Variants in KATNB1 observed in about 807,000 individuals in gnomAD.
KATNB1 encodes katanin p80 WD40 repeat-containing subunit B1.
A neutral mutation model predicts 82.3 loss-of-function variants in KATNB1; 38 were observed. That is an observed-to-expected ratio of 0.46 (90% CI 0.36 to 0.61). The LOEUF (loss-of-function observed/expected upper bound fraction) is 0.61, where lower values mean the gene tolerates loss of function less well. KATNB1 is among the 20% of genes least tolerant of loss of function. KATNB1 has a pLI of 0.00. For synonymous variants in KATNB1, 361 were observed against 368.7 expected, an observed-to-expected ratio of 0.98 and a Z score of 0.24; for missense variants, 749 against 915.7, an observed-to-expected ratio of 0.82 and a Z score of 2.35.
chr16:57,746,985 G>A (rs574603009), intron 4 of KATNB1, among the ~76,000 whole-genome samples: 9 of 152,164 alleles, frequency 5.9e-5, no homozygotes, highest in Non-Finnish European at 1.0e-4. Flanking sequence ...AGGTTTAAGC[G>A]ATTCTCCTGC....
chr16:57,753,301 G>C lies in KATNB1; in HGVS notation c.1046+34G>C, dbSNP rs1567902293. On this transcript the variant is annotated intron_variant, in intron 11 of 19. Transcript: ENST00000379661. ...CTGGGGGGCCTTCGGGGGCCCAGGA[G>C]AGGGACTGTCACAGGGGAAGCCTCG... 5.7e-6 allele frequency: 9 copies of C among 1,581,620 alleles called. No individual in the cohort carries two copies. The East Asian group carries it at 2.1e-4, about 36-fold the overall frequency.
chr16:57,742,228 T>A (rs1555579921), intron 3 of KATNB1, among the ~76,000 whole-genome samples: 1 of 152,252 alleles, frequency 6.6e-6, no homozygotes, highest in Non-Finnish European at 1.5e-5. Context: ...TTTTAATTCA[T>A]TCCCAGCCTT....
intron 18 of KATNB1, 46 bp from the exon 19 acceptor site, chr16:57,756,310 C>A: frequency 6.6e-7 from 1 of 1,520,524 alleles, no homozygotes. Flanking sequence ...CTCTTTCTGT[C>A]TGTGGCCCTT....
At chr16:57,742,919 C>T (rs1461441280) in intron 3 of KATNB1, among the ~76,000 whole-genome samples, 1 of 152,248 alleles carries the variant, frequency 6.6e-6, no homozygotes, top group African/African-American at 2.4e-5. Context: ...GCATCGGAAC[C>T]TGCCCTTTCC....
rs1555583159 is a variant in KATNB1 at position 57,751,661 on chromosome 16, G to A, written c.453G>A (p.Arg151=). 2 of 1,611,514 alleles carry A rather than the reference G, an allele frequency of 1.2e-6. No individual in the cohort carries two copies. The highest frequency in any genetic ancestry group is 2.2e-5 in the South Asian group (2 of 91,076). ...CTCAGGGGCACAGCCAGGCCGTGCG[G>A]TGTCTCCGGTTCAGCCCCGATGGGA... ...FRYRGHSQAV[R]CLRFSPDGKW... Residue 151 remains arginine, a synonymous_variant, in exon 7 of 20, where the codon CGG becomes CGA. Coordinates refer to ENST00000379661, the MANE Select transcript of KATNB1 (RefSeq NM_005886.3). The surrounding 1 kb of genome is among the most constrained non-coding windows in gnomAD (Gnocchi z 6.3).
intron 3 of KATNB1, among the ~76,000 whole-genome samples, chr16:57,744,032 C>T (rs151052188): frequency 1.9e-3 from 282 of 152,300 alleles, no homozygotes; most frequent in Middle Eastern, 3.4e-3. Context: ...GGGAACAGAG[C>T]GGGGGCAGGG....
intron 13 of KATNB1, 24 bp from the exon 14 acceptor site, chr16:57,754,906 G>A: frequency 1.2e-6 from 2 of 1,613,728 alleles, no homozygotes; most frequent in Non-Finnish European, 8.5e-7. Context: ...GCCGGACCCA[G>A]TCATCTTTTC....
chr16:57,757,080 G>C lies in KATNB1; in HGVS notation c.*134G>C. On this transcript the variant is annotated 3_prime_UTR_variant, in exon 20 of 20. Coordinates refer to ENST00000379661, the MANE Select transcript of KATNB1 (RefSeq NM_005886.3). ...CTGTCCTGTGGCCGTCCTGGAGGAG[G>C]TGATGCTGGTCCCTGGCCACCTCTA... is the stretch of plus-strand genomic sequence containing the variant. 3.9e-6 allele frequency: 4 copies of C among 1,020,944 alleles called. No homozygotes were observed. The highest frequency in any genetic ancestry group is 5.3e-6 in the Non-Finnish European group (4 of 758,602). The allele number at this position is 1,020,944 out of a possible 1,614,324, so 63.2% of individuals were successfully genotyped here.
intron 3 of KATNB1, 72 bp from the exon 4 acceptor site, chr16:57,744,322 G>A: frequency 2.3e-6 from 3 of 1,318,352 alleles, no homozygotes; most frequent in Non-Finnish European, 3.3e-6. Context: ...CTTTCCGGGG[G>A]ACTTGGAATT....
At chr16:57,742,664 T>A (rs2049151598) in intron 3 of KATNB1, among the ~76,000 whole-genome samples, 1 of 152,270 alleles carries the variant, frequency 6.6e-6, no homozygotes, top group South Asian at 2.1e-4. Flanking sequence ...TTTGAATGGC[T>A]TAATGGTGTT....
Position 57,750,920 on chromosome 16 carries a change from A to T in KATNB1, c.383A>T (p.Asn128Ile), listed in dbSNP as rs1439485006. Reference protein sequence around the residue: ...EFVASGSQDTNIKLWDIRRKG... With the variant: ...EFVASGSQDTIIKLWDIRRKG... ...GTAGCCTCTGGTTCCCAGGACACAA[A>T]CATCAAGGTGAGAGGCCGGTCCGTG... Residue 128 changes from asparagine (N) to isoleucine (I), a missense_variant, in exon 5 of 20, where the codon AAC (asparagine) becomes ATC (isoleucine). By Grantham distance (149) the Asn-to-Ile change is moderately radical. Around this residue, in one of 3 missense-constraint regions of KATNB1, gnomAD observed 247 missense variants for 349.4 expected, o/e 0.71. Transcript: ENST00000379661. 2 of 1,613,290 alleles carry T rather than the reference A, an allele frequency of 1.2e-6. No individual in the cohort carries two copies. The highest frequency in any genetic ancestry group is 1.3e-5 in the African/African-American group (1 of 74,832).
chr16:57,755,022 G>T, intron 14 of KATNB1, 25 bp downstream of exon 14: 1 of 1,613,882 alleles, frequency 6.2e-7, no homozygotes, highest in South Asian at 1.1e-5. Context: ...GGAGCATGGT[G>T]TGGGGCCTAG....
intron 2 of KATNB1, 83 bp from the exon 3 acceptor site, chr16:57,741,604 C>A (rs2049142358): frequency 1.4e-6 from 2 of 1,462,976 alleles, no homozygotes; most frequent in African/African-American, 1.4e-5. Context: ...GGTTCCAAAG[C>A]GGGTAGCCGA....
rs782528804 is a variant in KATNB1 at position 57,751,718 on chromosome 16, C to T, written c.510C>T (p.Thr170=). ...KWLASAADDH[T]VKLWDLTAGK... ...TGGCGTCGGCCGCAGATGACCACAC[C>T]GTGAAGGTAGCTCCCGGCCTGACCT... Residue 170 remains threonine, a synonymous_variant, in exon 7 of 20, where the codon ACC becomes ACT. Transcript: ENST00000379661. The surrounding 1 kb of genome is among the most constrained non-coding windows in gnomAD (Gnocchi z 6.3). 2.7e-5 allele frequency: 44 copies of T among 1,609,516 alleles called. No individual in the cohort carries two copies. The highest frequency in any genetic ancestry group is 2.7e-4 in the Admixed American group (16 of 59,988).
chr16:57,754,038 C>A (rs782413648), intron 13 of KATNB1, 43 bp downstream of exon 13: 3 of 1,530,304 alleles, frequency 2.0e-6, no homozygotes, highest in South Asian at 2.3e-5. Flanking sequence ...CTGATGCCCC[C>A]CCGTCCCTCA....
intron 3 of KATNB1, 44 bp downstream of exon 3, chr16:57,741,861 G>T (rs1472686478): frequency 1.3e-6 from 2 of 1,586,672 alleles, no homozygotes; most frequent in Non-Finnish European, 1.7e-6. Context: ...AGGGCCTGGG[G>T]AGGGGACGGG....
chr16:57,739,395 A>T (rs1223511802), intron 2 of KATNB1, among the ~76,000 whole-genome samples: 4 of 152,044 alleles, frequency 2.6e-5, no homozygotes, highest in African/African-American at 9.7e-5. Flanking sequence ...TGCATTTGGG[A>T]TGCTGATCCT....
At chr16:57,744,629 G>A in intron 4 of KATNB1, 118 bp downstream of exon 4, 1 of 833,820 alleles carries the variant, frequency 1.2e-6, no homozygotes, top group Non-Finnish European at 2.0e-6. Flanking sequence ...TGCTCCTGGA[G>A]CACTAACCCG....
intron 4 of KATNB1, among the ~76,000 whole-genome samples, chr16:57,749,751 T>G (rs570861382): frequency 3.3e-4 from 51 of 152,340 alleles, no homozygotes; most frequent in African/African-American, 1.1e-3. Flanking sequence ...GCCATGGAGA[T>G]GCCTGCAAAA....
Sources: gnomAD v4.1 joint callset for allele counts (sites outside exome capture counted in the v4.1 genomes callset) on GRCh38, gnomAD v4.1.1 for gene constraint, gnomAD v4.1.1 regional missense constraint, Gnocchi (gnomAD v3.1) non-coding constraint, MANE v1.5 for transcripts, NCBI Gene and HGNC (gene_info 2026-07-23, HGNC 2026-07-21) for gene names.